PTPRD: variants seen among roughly 807,000 people sequenced by gnomAD.
PTPRD encodes the protein receptor-type tyrosine-protein phosphatase delta.
Under a neutral mutation model 214.5 loss-of-function variants are expected in PTPRD, and 34 were observed. The ratio of observed to expected loss-of-function variants is 0.16; its 90% CI spans 0.12 to 0.21. The LOEUF is 0.21. Ranked by LOEUF, PTPRD falls within the 10% of genes least tolerant of loss-of-function variation. The pLI is 1.00. For missense variants in PTPRD, 2,545 were observed against 2,398.7 expected (o/e 1.06, Z -1.27); for synonymous variants, 1,128 against 845.7 (o/e 1.33, Z -5.79).
chr9:10,472,272 A>C (rs2099035988), intron 2 of PTPRD, among the ~76,000 whole-genome samples: 1 of 152,166 alleles, frequency 6.6e-6, no homozygotes, highest in Non-Finnish European at 1.5e-5. Flanking sequence ...CTTCCTAAGT[A>C]TCTGACACTG....
intron 3 of PTPRD, among the ~76,000 whole-genome samples, chr9:10,138,466 T>C (rs1421552803): frequency 6.6e-6 from 1 of 151,972 alleles, no homozygotes; most frequent in Non-Finnish European, 1.5e-5. Flanking sequence ...ACCAGATGGA[T>C]TCACAGCCAA....
intron 8 of PTPRD, among the ~76,000 whole-genome samples, chr9:9,530,363 T>C (rs560037671): frequency 2.0e-5 from 3 of 152,256 alleles, no homozygotes; most frequent in African/African-American, 4.8e-5. Flanking sequence ...TGAGCAACTA[T>C]ACACTAAGAA....
chr9:8,774,471 G>C (rs1172259369), intron 11 of PTPRD, among the ~76,000 whole-genome samples: 1 of 148,620 alleles, frequency 6.7e-6, no homozygotes, highest in Non-Finnish European at 1.5e-5. Flanking sequence ...ATTTTATGAT[G>C]TAACATAAAT....
rs150039047 is a variant in PTPRD, at chr9:9,189,853, C to A, written c.-202-6490G>T. On this transcript the variant is annotated intron_variant, in intron 9 of 45. Transcript: ENST00000381196. ...GCTGTTCATTGATATTTCCATTTCT[C>A]ATCTTTCCAGGAATATGGTCAAAGT... Among the ~76,000 whole-genome samples the A allele has an allele frequency of 3.9e-3, 595 of 152,094 alleles. 3 individuals are homozygous for A. Among genetic ancestry groups the A allele is most frequent in the African/African-American group, 0.014 (574 of 41,514 alleles).
intron 8 of PTPRD, among the ~76,000 whole-genome samples, chr9:9,438,493 G>T (rs1227794189): frequency 6.6e-6 from 1 of 152,158 alleles, no homozygotes; most frequent in African/African-American, 2.4e-5. Context: ...TTACTGCTAT[G>T]AAAATAATTT....
chr9:10,433,160 C>T (rs989442064), intron 2 of PTPRD, among the ~76,000 whole-genome samples: 1 of 151,800 alleles, frequency 6.6e-6, no homozygotes, highest in Non-Finnish European at 1.5e-5. Flanking sequence ...TGCAATAACT[C>T]ATCTGAAGAC....
At chr9:9,847,780 A>G (rs1790735946) in intron 5 of PTPRD, among the ~76,000 whole-genome samples, 1 of 152,104 alleles carries the variant, frequency 6.6e-6, no homozygotes, top group African/African-American at 2.4e-5. Context: ...GAGCATTAAA[A>G]GAGGAGCTGG....
At chr9:9,465,489 T>G (rs1400853459) in intron 8 of PTPRD, among the ~76,000 whole-genome samples, 2 of 152,122 alleles carry the variant, frequency 1.3e-5, no homozygotes, top group African/African-American at 4.8e-5. Context: ...CACTAATACA[T>G]AAATGGGTGA....
rs74395413 is a variant in PTPRD, at chr9:9,616,855, G to C, written c.-286-42074C>G. On this transcript the variant is annotated intron_variant, in intron 7 of 45. Transcript: ENST00000381196. ...TCATAATAAACCTGAGTTCTAATTT[G>C]ATTGCACTATGGTCTGAGAGACTGT... Among the ~76,000 whole-genome samples the C allele has an allele frequency of 1.6e-3, 240 of 152,256 alleles. 3 individuals are homozygous for C. The East Asian group carries it at 0.04, about 26-fold the overall frequency.
chr9:9,518,387 T>G (rs1157761050), intron 8 of PTPRD, among the ~76,000 whole-genome samples: 1 of 152,032 alleles, frequency 6.6e-6, no homozygotes, highest in Non-Finnish European at 1.5e-5. Context: ...TTGTCAAAAT[T>G]TGTTAGGTGG....
chr9:10,328,479 C>A (rs1181828537), intron 3 of PTPRD, among the ~76,000 whole-genome samples: 1 of 151,682 alleles, frequency 6.6e-6, no homozygotes, highest in Non-Finnish European at 1.5e-5. Context: ...TTGCACACCC[C>A]TACAAACTTC....
chr9:10,275,277 C>T (rs1564945564), intron 3 of PTPRD, among the ~76,000 whole-genome samples: 1 of 152,034 alleles, frequency 6.6e-6, no homozygotes, highest in Non-Finnish European at 1.5e-5. Context: ...GAAACTTGTT[C>T]TTTTCTTATT....
chr9:8,825,774 T>C (rs1006339506), intron 11 of PTPRD, among the ~76,000 whole-genome samples: 4 of 151,172 alleles, frequency 2.6e-5, no homozygotes, highest in Admixed American at 6.6e-5. Flanking sequence ...GGGTGGATTA[T>C]TCATGCCTCC....
At chr9:9,717,175 A>G (rs976501087) in intron 7 of PTPRD, among the ~76,000 whole-genome samples, 2 of 151,962 alleles carry the variant, frequency 1.3e-5, no homozygotes, top group African/African-American at 4.8e-5. Flanking sequence ...ATGCGGCGTT[A>G]TTTCTGAGGG....
At chr9:8,990,848 C>T (rs773877726) in intron 11 of PTPRD, among the ~76,000 whole-genome samples, 3 of 151,960 alleles carry the variant, frequency 2.0e-5, no homozygotes, top group South Asian at 2.1e-4. Flanking sequence ...AGTCTACTGC[C>T]GTAAGATTAT....
intron 11 of PTPRD, among the ~76,000 whole-genome samples, chr9:9,014,735 A>T (rs2099527303): frequency 6.6e-6 from 1 of 152,170 alleles, no homozygotes; most frequent in South Asian, 2.1e-4. Context: ...TTCTAAACAC[A>T]TTGAGCCTCT....
intron 12 of PTPRD, among the ~76,000 whole-genome samples, chr9:8,640,560 AC>A (rs139904309): frequency 1.8e-4 from 23 of 131,408 alleles, no homozygotes; most frequent in East Asian, 1.7e-3. Flanking sequence ...AAACAAAAAA[AC>A]AAAAAAAAAA....
intron 2 of PTPRD, among the ~76,000 whole-genome samples, chr9:10,577,611 T>G (rs188035261): frequency 1.3e-5 from 2 of 152,330 alleles, no homozygotes; most frequent in East Asian, 3.9e-4. Flanking sequence ...GAATTTTAAT[T>G]GTTTTATGCA....
intron 3 of PTPRD, among the ~76,000 whole-genome samples, chr9:10,046,631 C>G (rs188396090): frequency 2.4e-4 from 36 of 151,976 alleles, no homozygotes; most frequent in African/African-American, 8.4e-4. Flanking sequence ...TTACTTGCAA[C>G]TATGCAATGG....
Sources: gnomAD v4.1 joint callset for allele counts (sites outside exome capture counted in the v4.1 genomes callset) on GRCh38, gnomAD v4.1.1 for gene constraint, MANE v1.5 for transcripts, NCBI Gene and HGNC (gene_info 2026-07-23, HGNC 2026-07-21) for gene names.